DCBLD2: variants seen among roughly 807,000 people sequenced by gnomAD.
DCBLD2 encodes discoidin, CUB and LCCL domain containing 2, also known as discoidin, CUB and LCCL domain-containing protein 2.
A neutral mutation model predicts 86.8 loss-of-function variants in DCBLD2; 54 were observed. That is an observed-to-expected ratio of 0.62 (90% CI 0.50 to 0.78). The LOEUF (loss-of-function observed/expected upper bound fraction) is 0.78. Ranked by LOEUF, DCBLD2 falls within the 30% of genes least tolerant of loss-of-function variation. The probability of loss-of-function intolerance (pLI) is 0.00; values close to 1 mark genes in which losing one functional copy is unlikely to be tolerated. For synonymous variants in DCBLD2, 354 were observed against 341.3 expected (o/e 1.04, Z -0.41); for missense variants, 908 against 954.2 (o/e 0.95, Z 0.64).
In DCBLD2 at chr3:98,901,389, C is replaced by G. The variant is rs1943849290; in HGVS notation, c.-63G>C. ...CTCGGCAGCCCCGCGCGCCTCTGGC[C>G]GCGGCACCCGACCAGGAGACGGCGG... On this transcript the variant is annotated 5_prime_UTR_variant, in exon 1 of 16. Transcript: ENST00000326840. The G allele has an allele frequency of 7.9e-7, 1 of 1,259,240 alleles. No individual in the cohort carries two copies. Among genetic ancestry groups the G allele is most frequent in the Non-Finnish European group, 9.9e-7 (1 of 1,007,136 alleles). The allele number at this position is 1,259,240 out of a possible 1,614,324, so 78.0% of individuals were successfully genotyped here.
In DCBLD2 at chr3:98,799,730, G is replaced by A. The variant is rs1941681349; in HGVS notation, c.1970C>T (p.Ser657Leu). The A allele has an allele frequency of 1.9e-6, 3 of 1,613,994 alleles. No homozygotes were observed. In the African/African-American group the frequency reaches 4.0e-5, roughly 22 times the overall value. ...GGCATGATAAACTTCCTGCCCTGGT[G>A]AGTTGTAAGGATCTAGGTCTGCATA... is the stretch of plus-strand genomic sequence containing the variant. ...AGYADLDPYN[S>L]PGQEVYHAYA... The change falls in exon 16 of 16, where the codon TCA becomes TTA. Residue 657 changes from serine (S) to leucine (L), a missense_variant. This residue lies in a region of DCBLD2 where 606 missense variants were observed against 678.5 expected (regional missense o/e 0.89). Coordinates refer to ENST00000326840, the MANE Select transcript of DCBLD2 (RefSeq NM_080927.4).
At position 98,840,607 on chromosome 3, in the gene DCBLD2, C is replaced by T. The variant is rs903805569; in HGVS notation, c.571+8854G>A. ...AAGTTCCTGGTCTCAAGCAATCCTC[C>T]ACCTCAGCCTCCCAAGTAGCTAAAA... On this transcript the variant is annotated intron_variant, in intron 3 of 15. Coordinates refer to ENST00000326840, the MANE Select transcript of DCBLD2 (RefSeq NM_080927.4). Among the ~76,000 whole-genome samples, 8 of 152,068 alleles carry T rather than the reference C, an allele frequency of 5.3e-5. No homozygotes were observed. In the South Asian group the frequency reaches 1.7e-3, roughly 32 times the overall value.
At chr3:98,832,844 T>A (rs560048487) in intron 3 of DCBLD2, among the ~76,000 whole-genome samples, 1 of 152,208 alleles carries the variant, frequency 6.6e-6, no homozygotes, top group East Asian at 1.9e-4. Flanking sequence ...TGATCTGCCC[T>A]TTCTCTCTAG....
Position 98,840,572 on chromosome 3 carries a change from C to T in DCBLD2, c.571+8889G>A, listed in dbSNP as rs564205080. Among the ~76,000 whole-genome samples the T allele has an allele frequency of 7.8e-4, 119 of 152,310 alleles. 1 individual carries two copies. Among genetic ancestry groups the T allele is most frequent in the Admixed American group, 1.6e-3 (24 of 15,294 alleles). ...AGTGCAGTGGCATGATCCTAGCTCA[C>T]TGCAGCCTCAAGTTCCTGGTCTCAA... On this transcript the variant is annotated intron_variant, in intron 3 of 15. Coordinates refer to ENST00000326840, the MANE Select transcript of DCBLD2 (RefSeq NM_080927.4).
In DCBLD2 at chr3:98,875,523, CT is replaced by C. The variant is rs370518229; in HGVS notation, c.433+6016del. 1.3e-3 allele frequency among the ~76,000 whole-genome samples: 199 copies of C among 152,228 alleles called. 1 individual carries two copies. The East Asian group carries it at 0.016, about 13-fold the overall frequency. On this transcript the variant is annotated intron_variant, in intron 2 of 15. Coordinates refer to ENST00000326840, the MANE Select transcript of DCBLD2 (RefSeq NM_080927.4). Reference sequence around the variant, plus strand: ...TAATGTCAATAAAAACACCAACGAGCTTTTTTGTGGAGTTAGATAAGCTGAT... The same window carrying C: ...TAATGTCAATAAAAACACCAACGAGCTTTTTGTGGAGTTAGATAAGCTGAT...
chr3:98,817,734 A>T, intron 9 of DCBLD2, 35 bp downstream of exon 9: 1 of 1,608,442 alleles, frequency 6.2e-7, no homozygotes, highest in Non-Finnish European at 8.5e-7. Flanking sequence ...CCATTTAAAA[A>T]ATGTTTTTTA....
chr3:98,846,403 A>C lies in DCBLD2; in HGVS notation c.571+3058T>G, dbSNP rs1256131044. ...TTTCCTGGATAAAAATATACTGAGGACCTCAACCAAAGCCAAGCAACCTTC... is the reference window on the plus strand; with the variant it reads ...TTTCCTGGATAAAAATATACTGAGGCCCTCAACCAAAGCCAAGCAACCTTC... On this transcript the variant is annotated intron_variant, in intron 3 of 15. Coordinates refer to ENST00000326840, the MANE Select transcript of DCBLD2 (RefSeq NM_080927.4). 2.6e-5 allele frequency among the ~76,000 whole-genome samples: 4 copies of C among 152,298 alleles called. No individual in the cohort carries two copies. In the East Asian group the frequency reaches 7.7e-4, roughly 29 times the overall value.
Position 98,801,634 on chromosome 3 carries a change from T to A in DCBLD2, c.1686A>T (p.Glu562Asp). The change falls in exon 14 of 16, where the codon GAA becomes GAT. Residue 562 changes from glutamate to aspartate, a missense_variant. This residue lies in a region of DCBLD2 where 606 missense variants were observed against 678.5 expected (regional missense o/e 0.89). Coordinates refer to ENST00000326840, the MANE Select transcript of DCBLD2 (RefSeq NM_080927.4). ...CCCAGTAAGGTAAGTCATAGGTGCC[T>A]TCAGTTTTTTTCTTTCTGGAAAAAT... ...WHWRNRKKKT[E>D]GTYDLPYWDR... 1 of 1,607,566 alleles carries A rather than the reference T, an allele frequency of 6.2e-7. No individual in the cohort carries two copies.
intron 2 of DCBLD2, among the ~76,000 whole-genome samples, chr3:98,878,247 A>G (rs535934761): frequency 6.6e-6 from 1 of 152,300 alleles, no homozygotes; most frequent in African/African-American, 2.4e-5. Flanking sequence ...ATCAAAGTTA[A>G]TAGCACCAGA....
intron 2 of DCBLD2, among the ~76,000 whole-genome samples, chr3:98,863,480 A>C (rs1445593690): frequency 2.0e-5 from 3 of 152,246 alleles, no homozygotes; most frequent in Non-Finnish European, 4.4e-5. Context: ...AGGCTACAGT[A>C]ACCAAAACAG....
rs766248684 is a variant in DCBLD2 at position 98,799,838 on chromosome 3, T to C, written c.1862A>G (p.Tyr621Cys). The C allele has an allele frequency of 6.2e-7, 1 of 1,604,596 alleles. No homozygotes were observed. Among genetic ancestry groups the C allele is most frequent in the Non-Finnish European group, 8.5e-7 (1 of 1,174,588 alleles). Residue 621 changes from tyrosine to cysteine, a missense_variant, in exon 16 of 16, where the codon TAT becomes TGT. By Grantham distance (194) the Tyr-to-Cys change is radical. Coordinates refer to ENST00000326840, the MANE Select transcript of DCBLD2 (RefSeq NM_080927.4). ...AATTCCTCCTACCAGTGGCTGAGCA[T>C]ACTCTGTGGATATCACAAAACAACA... The part of the protein sequence containing the change: ...TTVLQADSAE[Y>C]AQPLVGGIVG...
intron 12 of DCBLD2, 140 bp downstream of exon 12, chr3:98,811,054 G>T: frequency 2.1e-6 from 2 of 964,762 alleles, no homozygotes; most frequent in Non-Finnish European, 1.4e-6. Flanking sequence ...TCCTATGAAA[G>T]AAAATAAATT....
At chr3:98,821,190 C>G (rs901490214) in intron 6 of DCBLD2, 20 of 152,114 alleles carry the variant, frequency 1.3e-4, no homozygotes, top group Non-Finnish European at 2.6e-4. Flanking sequence ...TCTGCTGAAT[C>G]CTGTTGTATA....
chr3:98,810,632 T>G (rs1941922079), intron 12 of DCBLD2, among the ~76,000 whole-genome samples: 1 of 152,214 alleles, frequency 6.6e-6, no homozygotes, highest in South Asian at 2.1e-4. Flanking sequence ...TATTTATCAC[T>G]GATAACAAAA....
At chr3:98,803,578 TATATTGA>T (rs1296300946) in intron 13 of DCBLD2, among the ~76,000 whole-genome samples, 1 of 152,212 alleles carries the variant, frequency 6.6e-6, no homozygotes, top group Non-Finnish European at 1.5e-5. Context: ...CTTCCAACAC[TATATTGA>T]ATAGGAGTGG....
intron 3 of DCBLD2, among the ~76,000 whole-genome samples, chr3:98,838,530 G>T: frequency 2.1e-5 from 3 of 145,948 alleles, no homozygotes; most frequent in African/African-American, 7.7e-5. Flanking sequence ...AGATGGGATG[G>T]CGGCCGGGCG....
rs1941706679 is a variant in DCBLD2, at chr3:98,800,877, T to C, written c.1721-161A>G. 9 of 833,036 alleles carry C rather than the reference T, an allele frequency of 1.1e-5. No homozygotes were observed. In the South Asian group the frequency reaches 1.6e-4, roughly 15 times the overall value. The allele number at this position is 833,036 out of a possible 1,614,324, so 51.6% of individuals were successfully genotyped here. ...ACTTTTTTTTTTTTTTTTGCTGTGA[T>C]AGACTATCCAGCACCAAGCAGTACA... On this transcript the variant is annotated intron_variant, in intron 14 of 15. Transcript: ENST00000326840.
At chr3:98,851,059 C>T (rs1553728376) in intron 2 of DCBLD2, among the ~76,000 whole-genome samples, 2 of 152,196 alleles carry the variant, frequency 1.3e-5, no homozygotes, top group Non-Finnish European at 2.9e-5. Context: ...CCTCTCTCAC[C>T]ACTCCTATTA....
chr3:98,884,848 G>A (rs895639997), intron 1 of DCBLD2, among the ~76,000 whole-genome samples: 43 of 152,112 alleles, frequency 2.8e-4, no homozygotes, highest in African/African-American at 1.0e-3. Flanking sequence ...GTGGCAGATT[G>A]TCACACTTAA....
Sources: allele counts gnomAD v4.1 joint callset (sites outside exome capture counted in the v4.1 genomes callset), GRCh38; gene constraint gnomAD v4.1.1; regional missense constraint gnomAD v4.1.1; transcripts MANE v1.5; gene names NCBI Gene and HGNC (gene_info 2026-07-23, HGNC 2026-07-21).